SAMD12: variants seen among roughly 807,000 people sequenced by gnomAD.
SAMD12 encodes sterile alpha motif domain-containing protein 12.
Under a neutral mutation model 15.0 loss-of-function variants are expected in SAMD12, and 9 were observed. That is an observed-to-expected ratio of 0.60 (90% CI 0.36 to 1.05). The LOEUF (loss-of-function observed/expected upper bound fraction) is 1.05, where lower values mean the gene tolerates loss of function less well. Ranked by LOEUF, SAMD12 falls within the 50% of genes least tolerant of loss-of-function variation. SAMD12 has a pLI of 0.01. For missense variants in SAMD12, 230 were observed against 234.2 expected, an observed-to-expected ratio of 0.98 and a Z score of 0.12; for synonymous variants, 86 against 90.1, an observed-to-expected ratio of 0.96 and a Z score of 0.25.
At chr8:118,435,776 T>C (rs1351053630) in intron 3 of SAMD12, among the ~76,000 whole-genome samples, 1 of 152,226 alleles carries the variant, frequency 6.6e-6, no homozygotes, top group African/African-American at 2.4e-5. Context: ...GTTAAAATCA[T>C]GACTGTCATA....
chr8:118,215,611 CCT>C (rs1811941429), intron 4 of SAMD12, among the ~76,000 whole-genome samples: 1 of 151,920 alleles, frequency 6.6e-6, no homozygotes, highest in Admixed American at 6.6e-5. Context: ...CTATCCCTCC[CCT>C]CTCCCCCCAC....
chr8:118,409,766 A>C (rs1340569637), intron 3 of SAMD12, among the ~76,000 whole-genome samples: 1 of 151,774 alleles, frequency 6.6e-6, no homozygotes, highest in Non-Finnish European at 1.5e-5. Flanking sequence ...CATAAAATAG[A>C]CTCAAAGTTA....
intron 4 of SAMD12, among the ~76,000 whole-genome samples, chr8:118,254,330 C>T (rs1812883824): frequency 6.6e-6 from 1 of 152,094 alleles, no homozygotes; most frequent in South Asian, 2.1e-4. Context: ...GCAAAAATGG[C>T]AGTGATGTAA....
At chr8:118,387,971 A>G (rs1261396108) in intron 3 of SAMD12, among the ~76,000 whole-genome samples, 1 of 152,230 alleles carries the variant, frequency 6.6e-6, no homozygotes, top group Admixed American at 6.5e-5. Context: ...TGAACCAGCT[A>G]TACTACTGGA....
chr8:118,493,841 A>T (rs1288643839), intron 2 of SAMD12, among the ~76,000 whole-genome samples: 3 of 152,146 alleles, frequency 2.0e-5, no homozygotes, highest in African/African-American at 7.2e-5. Context: ...ATCTAATCAG[A>T]CTGAACCCTG....
At chr8:118,500,066 C>T (rs927521577) in intron 2 of SAMD12, among the ~76,000 whole-genome samples, 2 of 61,420 alleles carry the variant, frequency 3.3e-5, no homozygotes, top group Admixed American at 1.4e-4. Context: ...CTGAGTTTTG[C>T]CTTTTTTTTT....
At chr8:118,259,525 AC>A (rs1813029041) in intron 4 of SAMD12, among the ~76,000 whole-genome samples, 2 of 152,018 alleles carry the variant, frequency 1.3e-5, no homozygotes, top group Non-Finnish European at 2.9e-5. Context: ...AGACTGAGAA[AC>A]CCTGGTTTAG....
chr8:118,516,524 A>G (rs1002551930), intron 2 of SAMD12, among the ~76,000 whole-genome samples: 4 of 151,744 alleles, frequency 2.6e-5, no homozygotes, highest in African/African-American at 9.7e-5. Context: ...AGAAGTTTCT[A>G]TTTCTCCTTT....
chr8:118,318,329 T>TATATATATAC (rs1816041696), intron 4 of SAMD12, among the ~76,000 whole-genome samples: 2 of 76,136 alleles, frequency 2.6e-5, no homozygotes, highest in African/African-American at 5.9e-5. Context: ...TATATATATA[T>TATATATATAC]ATATATATAT....
At chr8:118,212,062 TTGTG>T (rs35939969) in intron 4 of SAMD12, among the ~76,000 whole-genome samples, 10 of 150,856 alleles carry the variant, frequency 6.6e-5, no homozygotes, top group African/African-American at 1.7e-4. Context: ...GTTGCAGATT[TTGTG>T]TGTGTGTGTG....
intron 2 of SAMD12, among the ~76,000 whole-genome samples, chr8:118,493,649 A>G (rs1398406935): frequency 6.6e-6 from 1 of 152,204 alleles, no homozygotes; most frequent in African/African-American, 2.4e-5. Context: ...GGACCAGATC[A>G]TTCTGGTTCA....
At chr8:118,333,453 G>T (rs889171829) in intron 4 of SAMD12, among the ~76,000 whole-genome samples, 1 of 152,110 alleles carries the variant, frequency 6.6e-6, no homozygotes, top group Non-Finnish European at 1.5e-5. Flanking sequence ...TTCTGAAAAA[G>T]AAGGGATGTT....
At chr8:118,180,270 T>A in the SAMD12 span, among the ~76,000 whole-genome samples, 5 of 152,246 alleles carry the variant, frequency 3.3e-5, no homozygotes, top group African/African-American at 1.2e-4. Context: ...CCAGAAACTG[T>A]GATTACTCAC....
chr8:118,492,217 T>G lies in SAMD12; in HGVS notation c.193-52256A>C, dbSNP rs555097906. On this transcript the variant is annotated intron_variant, in intron 2 of 3. Transcript: ENST00000314727. ...TTTGCATTTTCCTGGGGACTAATGA[T>G]GTTGAGCACATTTTCATATGCCTAT... 2.0e-5 allele frequency among the ~76,000 whole-genome samples: 3 copies of G among 152,034 alleles called. No homozygotes were observed. In the South Asian group the frequency reaches 6.2e-4, roughly 32 times the overall value.
chr8:118,166,607 G>A, the SAMD12 span, among the ~76,000 whole-genome samples: 1 of 152,190 alleles, frequency 6.6e-6, no homozygotes, highest in African/African-American at 2.4e-5. Flanking sequence ...CACCTTTACA[G>A]GTTGGGAATG....
the SAMD12 span, among the ~76,000 whole-genome samples, chr8:118,173,650 G>C: frequency 8.1e-6 from 1 of 123,434 alleles, no homozygotes; most frequent in Non-Finnish European, 1.7e-5. Flanking sequence ...TTTTTTTTGA[G>C]ATGGAGTCTT....
At chr8:118,172,111 A>G in the SAMD12 span, among the ~76,000 whole-genome samples, 1 of 151,798 alleles carries the variant, frequency 6.6e-6, no homozygotes, top group Non-Finnish European at 1.5e-5. Flanking sequence ...GTCGTGGGGT[A>G]GGGGGAGTGG....
intron 3 of SAMD12, among the ~76,000 whole-genome samples, chr8:118,430,007 C>T (rs1360888970): frequency 2.0e-5 from 3 of 152,156 alleles, no homozygotes; most frequent in East Asian, 1.9e-4. Flanking sequence ...TGTACGTTCA[C>T]CATAAATGCT....
chr8:118,279,019 A>AT (rs1813540180), intron 4 of SAMD12, among the ~76,000 whole-genome samples: 6 of 152,230 alleles, frequency 3.9e-5, no homozygotes, highest in Admixed American at 3.9e-4. Flanking sequence ...TCTGCTATTA[A>AT]AAATGAAATG....
Sources: allele counts gnomAD v4.1 joint callset (sites outside exome capture counted in the v4.1 genomes callset), GRCh38; gene constraint gnomAD v4.1.1; transcripts MANE v1.5; gene names NCBI Gene and HGNC (gene_info 2026-07-23, HGNC 2026-07-21).